The following ADGRB3 variants were observed in gnomAD, a reference collection of about 807,000 sequenced individuals.
ADGRB3 encodes adhesion G protein-coupled receptor B3, also known as brain-specific angiogenesis inhibitor 3.
Under a neutral mutation model 193.4 loss-of-function variants are expected in ADGRB3, and 37 were observed. That is an observed-to-expected ratio of 0.19 (90% CI 0.15 to 0.25). ADGRB3 has a LOEUF of 0.25. ADGRB3 is among the 10% of genes least tolerant of loss of function. The pLI is 1.00. For missense variants in ADGRB3, 1,637 were observed against 1,852.9 expected (o/e 0.88, Z 2.14); for synonymous variants, 690 against 644.2 (o/e 1.07, Z -1.08).
chr6:68,637,087 G>A (rs1223478666), intron 1 of ADGRB3, among the ~76,000 whole-genome samples: 1 of 150,592 alleles, frequency 6.6e-6, no homozygotes, highest in African/African-American at 2.4e-5. Flanking sequence ...TGAGCTATTT[G>A]CTTGAAACAG....
intron 17 of ADGRB3, among the ~76,000 whole-genome samples, chr6:69,081,944 T>C (rs1260777644): frequency 6.6e-6 from 1 of 152,082 alleles, no homozygotes; most frequent in Non-Finnish European, 1.5e-5. Context: ...AATGGCATCA[T>C]GTATTTTTCA....
chr6:68,871,155 T>C (rs1765444750), intron 3 of ADGRB3, among the ~76,000 whole-genome samples: 1 of 152,222 alleles, frequency 6.6e-6, no homozygotes, highest in Admixed American at 6.5e-5. Flanking sequence ...AAAGAATTGT[T>C]TTATTCTTAT....
chr6:69,291,070 T>C (rs577326875), intron 20 of ADGRB3, among the ~76,000 whole-genome samples: 1 of 152,248 alleles, frequency 6.6e-6, no homozygotes, highest in African/African-American at 2.4e-5. Flanking sequence ...AAACTGGAAA[T>C]GGGTTTCTAA....
intron 3 of ADGRB3, among the ~76,000 whole-genome samples, chr6:68,846,912 A>G (rs1290643721): frequency 6.6e-6 from 1 of 152,142 alleles, no homozygotes; most frequent in Non-Finnish European, 1.5e-5. Flanking sequence ...GCACCTAGAA[A>G]AGCCACAGAC....
chr6:69,037,895 T>C (rs1324993442), intron 13 of ADGRB3, among the ~76,000 whole-genome samples: 1 of 152,232 alleles, frequency 6.6e-6, no homozygotes, highest in African/African-American at 2.4e-5. Flanking sequence ...TCCATCATTG[T>C]CTTTCATTTA....
intron 17 of ADGRB3, among the ~76,000 whole-genome samples, chr6:69,142,383 A>G (rs572842323): frequency 1.1e-4 from 17 of 152,228 alleles, no homozygotes; most frequent in African/African-American, 3.9e-4. Context: ...ACAGTTGTAT[A>G]TGAGTGTATG....
chr6:68,860,735 A>T (rs501856), intron 3 of ADGRB3, among the ~76,000 whole-genome samples: 32,111 of 152,006 alleles, frequency 0.21, 3,966 homozygotes, highest in East Asian at 0.58. Context: ...TGATATGACA[A>T]TTTTTTTTCC....
intron 3 of ADGRB3, among the ~76,000 whole-genome samples, chr6:68,808,876 C>T (rs971155544): frequency 6.6e-6 from 1 of 152,206 alleles, no homozygotes; most frequent in Admixed American, 6.5e-5. Flanking sequence ...AAGAGTAACA[C>T]TGCGTGTTGT....
chr6:69,299,501 T>C (rs1303743951), intron 20 of ADGRB3, among the ~76,000 whole-genome samples: 4 of 151,858 alleles, frequency 2.6e-5, no homozygotes, highest in East Asian at 1.9e-4. Context: ...TGTCCAGTAG[T>C]TCTATAGTTT....
intron 17 of ADGRB3, among the ~76,000 whole-genome samples, chr6:69,095,315 C>G (rs2150319060): frequency 7.3e-6 from 1 of 137,406 alleles, no homozygotes; most frequent in African/African-American, 2.7e-5. Flanking sequence ...GGGAGGCCTT[C>G]AACAGAAGAG....
chr6:68,938,661 A>G (rs991286183), intron 5 of ADGRB3, among the ~76,000 whole-genome samples: 1 of 152,096 alleles, frequency 6.6e-6, no homozygotes, highest in African/African-American at 2.4e-5. Context: ...CTGTGATTAC[A>G]TATCATTTGA....
At chr6:69,286,420 C>A (rs965254234) in intron 20 of ADGRB3, among the ~76,000 whole-genome samples, 4 of 152,146 alleles carry the variant, frequency 2.6e-5, no homozygotes, top group African/African-American at 9.7e-5. Context: ...TGTCTGACAG[C>A]AGTGTGAGAA....
intron 3 of ADGRB3, among the ~76,000 whole-genome samples, chr6:68,848,102 A>C (rs1207448896): frequency 1.3e-5 from 2 of 152,000 alleles, no homozygotes; most frequent in East Asian, 1.9e-4. Flanking sequence ...CAGTCACTTA[A>C]TAAAAATAAA....
intron 3 of ADGRB3, among the ~76,000 whole-genome samples, chr6:68,923,509 A>G (rs1767102099): frequency 6.6e-6 from 1 of 152,108 alleles, no homozygotes; most frequent in Non-Finnish European, 1.5e-5. Context: ...GTAGGGTAGC[A>G]TTTATTTTGT....
At chr6:69,111,537 C>G (rs1219867128) in intron 17 of ADGRB3, among the ~76,000 whole-genome samples, 9 of 152,146 alleles carry the variant, frequency 5.9e-5, no homozygotes, top group Non-Finnish European at 1.2e-4. Context: ...AGAAACAGAA[C>G]AAAAGCGTGT....
chr6:68,834,017 G>GTGAGTAAT (rs1457521591), intron 3 of ADGRB3, among the ~76,000 whole-genome samples: 1 of 131,496 alleles, frequency 7.6e-6, no homozygotes, highest in Non-Finnish European at 1.8e-5. Flanking sequence ...GCTTACATAT[G>GTGAGTAAT]TGAGTAATTT....
intron 6 of ADGRB3, among the ~76,000 whole-genome samples, chr6:68,947,889 C>G (rs1306950807): frequency 6.6e-6 from 1 of 152,082 alleles, no homozygotes; most frequent in Non-Finnish European, 1.5e-5. Context: ...TGTAGCTGAC[C>G]TAGCTGAATT....
intron 3 of ADGRB3, among the ~76,000 whole-genome samples, chr6:68,708,517 AG>A (rs1765361125): frequency 6.6e-6 from 1 of 152,158 alleles, no homozygotes; most frequent in Admixed American, 6.5e-5. Flanking sequence ...AATTTCCTAA[AG>A]GGCCCAGTTC....
chr6:69,197,799 T>C (rs1397408445), intron 17 of ADGRB3, among the ~76,000 whole-genome samples: 1 of 152,070 alleles, frequency 6.6e-6, no homozygotes, highest in African/African-American at 2.4e-5. Context: ...ATGTAAAGGC[T>C]GGAAGAAAAG....
Sources: allele counts gnomAD v4.1 joint callset (sites outside exome capture counted in the v4.1 genomes callset), GRCh38; gene constraint gnomAD v4.1.1; transcripts MANE v1.5; gene names NCBI Gene and HGNC (gene_info 2026-07-23, HGNC 2026-07-21).